The following DPYD variants were observed in gnomAD, a reference collection of about 807,000 sequenced individuals.
DPYD encodes dihydropyrimidine dehydrogenase [NADP(+)].
A neutral mutation model predicts 116.2 loss-of-function variants in DPYD; 109 were observed. That is an observed-to-expected ratio of 0.94 (90% CI 0.80 to 1.10). The LOEUF (loss-of-function observed/expected upper bound fraction) is 1.10, where lower values mean the gene tolerates loss of function less well. Among genes scored for constraint, DPYD ranks in the 50% least tolerant of loss-of-function variants. The pLI is 0.00. For missense variants in DPYD, 1,302 were observed against 1,254.5 expected (o/e 1.04, Z -0.57); for synonymous variants, 440 against 432.0 (o/e 1.02, Z -0.23).
intron 18 of DPYD, among the ~76,000 whole-genome samples, chr1:97,256,691 G>A (rs977793801): frequency 6.6e-6 from 1 of 152,028 alleles, no homozygotes; most frequent in Non-Finnish European, 1.5e-5. Flanking sequence ...TGTGAGAACA[G>A]ACTAATACAC....
intron 5 of DPYD, among the ~76,000 whole-genome samples, chr1:97,701,452 A>G (rs566904735): frequency 1.4e-4 from 21 of 151,862 alleles, no homozygotes; most frequent in Non-Finnish European, 8.9e-5. Flanking sequence ...ATAAATCCAT[A>G]TTATAGGTAA....
At chr1:97,080,021 A>C (rs1472403737) in intron 22 of DPYD, among the ~76,000 whole-genome samples, 1 of 152,088 alleles carries the variant, frequency 6.6e-6, no homozygotes, top group Non-Finnish European at 1.5e-5. Context: ...AAACATTTCA[A>C]TGATGAAAAA....
rs115090497 is a variant in DPYD at position 97,912,101 on chromosome 1, C to T, written c.39+8783G>A. On this transcript the variant is annotated intron_variant, in intron 1 of 22. Coordinates refer to ENST00000370192, the MANE Select transcript of DPYD (RefSeq NM_000110.4). ...GCAAACGGTTAAACTGGTTCCATTT[C>T]CATTTTGCTCCTTCTGTCTTTGCAC... 3.1e-3 allele frequency among the ~76,000 whole-genome samples: 468 copies of T among 152,172 alleles called. 6 individuals carry two copies. Among genetic ancestry groups the T allele is most frequent in the African/African-American group, 0.011 (438 of 41,530 alleles).
intron 13 of DPYD, among the ~76,000 whole-genome samples, chr1:97,459,491 A>G (rs932424790): frequency 6.6e-6 from 1 of 152,158 alleles, no homozygotes; most frequent in African/African-American, 2.4e-5. Flanking sequence ...GATACATTGT[A>G]GTATACAAGA....
In DPYD at chr1:97,893,429, C is replaced by CATATATATATATATATATATAT. The variant is rs59336649; in HGVS notation, c.40-10077_40-10056dup. On this transcript the variant is annotated intron_variant, in intron 1 of 22. Coordinates refer to ENST00000370192, the MANE Select transcript of DPYD (RefSeq NM_000110.4). ...CAAAAACAGATTTTAATATCCATCG[C>CATATATATATATATATATATAT]ATATATATATATATATATATATATA... is the stretch of plus-strand genomic sequence containing the variant. Among the ~76,000 whole-genome samples, 7 of 71,904 alleles carry CATATATATATATATATATATAT rather than the reference C, an allele frequency of 9.7e-5. 1 individual carries two copies. The highest frequency in any genetic ancestry group is 1.3e-4 in the Non-Finnish European group (5 of 38,832). The allele number at this position is 71,904 out of a possible 152,430, so 47.2% of individuals were successfully genotyped here.
chr1:97,764,148 A>C (rs1665724305), intron 3 of DPYD, among the ~76,000 whole-genome samples: 1 of 152,012 alleles, frequency 6.6e-6, no homozygotes, highest in Admixed American at 6.6e-5. Flanking sequence ...AAACCGATGA[A>C]GGGGTAAATA....
At chr1:97,905,918 G>A (rs1404695394) in intron 1 of DPYD, among the ~76,000 whole-genome samples, 1 of 151,946 alleles carries the variant, frequency 6.6e-6, no homozygotes, top group Non-Finnish European at 1.5e-5. Flanking sequence ...GTTCACTACT[G>A]ACTTTAATCA....
At chr1:97,131,426 T>C (rs551414035) in intron 20 of DPYD, among the ~76,000 whole-genome samples, 18 of 152,296 alleles carry the variant, frequency 1.2e-4, no homozygotes, top group African/African-American at 4.1e-4. Flanking sequence ...CTTTGCTAGA[T>C]AGCAGTCACA....
chr1:97,690,971 A>G (rs537008561), intron 7 of DPYD, among the ~76,000 whole-genome samples: 30 of 152,240 alleles, frequency 2.0e-4, no homozygotes, highest in African/African-American at 6.7e-4. Flanking sequence ...TCACTTTTCA[A>G]AGTATCTTCT....
intron 19 of DPYD, among the ~76,000 whole-genome samples, chr1:97,199,653 G>T (rs968605191): frequency 6.6e-6 from 1 of 151,824 alleles, no homozygotes. Flanking sequence ...AAAAGCTTTG[G>T]TTTTGTTGTC....
chr1:97,507,156 T>C (rs1018301853), intron 13 of DPYD, among the ~76,000 whole-genome samples: 1 of 151,994 alleles, frequency 6.6e-6, no homozygotes. Flanking sequence ...ATAAACTAAT[T>C]CTTTATAATT....
At chr1:97,136,206 AAATC>A (rs1356368675) in intron 20 of DPYD, among the ~76,000 whole-genome samples, 2 of 152,218 alleles carry the variant, frequency 1.3e-5, no homozygotes, top group Non-Finnish European at 2.9e-5. Flanking sequence ...GCATGATCCT[AAATC>A]AGAGTCTCCA....
At chr1:97,266,009 T>C (rs971962032) in intron 18 of DPYD, among the ~76,000 whole-genome samples, 2 of 152,226 alleles carry the variant, frequency 1.3e-5, no homozygotes, top group African/African-American at 2.4e-5. Flanking sequence ...AAAATTACTT[T>C]TAAAGTCACA....
At chr1:97,617,315 G>C (rs1265387465) in intron 8 of DPYD, among the ~76,000 whole-genome samples, 1 of 152,038 alleles carries the variant, frequency 6.6e-6, no homozygotes, top group East Asian at 1.9e-4. Flanking sequence ...CCTAAATAAA[G>C]GTAATTGGCT....
At chr1:97,438,629 T>TA (rs994493512) in intron 14 of DPYD, among the ~76,000 whole-genome samples, 3 of 151,924 alleles carry the variant, frequency 2.0e-5, no homozygotes, top group African/African-American at 7.2e-5. Context: ...ATAGGCAAGT[T>TA]AGGTATTTAT....
At chr1:97,863,032 T>C (rs1007538009) in intron 2 of DPYD, among the ~76,000 whole-genome samples, 1 of 151,902 alleles carries the variant, frequency 6.6e-6, no homozygotes, top group Non-Finnish European at 1.5e-5. Context: ...TAATCATTAT[T>C]TTTTTAATCT....
At chr1:97,212,349 T>C (rs34773620) in intron 19 of DPYD, among the ~76,000 whole-genome samples, 1,742 of 152,240 alleles carry the variant, frequency 0.011, 13 homozygotes, top group South Asian at 0.023. Context: ...TTTATCTTCA[T>C]TTAGCATGTT....
intron 12 of DPYD, among the ~76,000 whole-genome samples, chr1:97,516,898 C>G (rs567833552): frequency 6.6e-6 from 1 of 152,036 alleles, no homozygotes; most frequent in Non-Finnish European, 1.5e-5. Flanking sequence ...GATGAATTTT[C>G]TCAGCCAAAG....
chr1:97,882,698 C>G (rs1376818687), intron 2 of DPYD, among the ~76,000 whole-genome samples: 1 of 151,964 alleles, frequency 6.6e-6, no homozygotes, highest in Non-Finnish European at 1.5e-5. Flanking sequence ...TACAGTTAAA[C>G]AAAGTTCTAG....
Sources: allele counts gnomAD v4.1 joint callset (sites outside exome capture counted in the v4.1 genomes callset), GRCh38; gene constraint gnomAD v4.1.1; transcripts MANE v1.5; gene names NCBI Gene and HGNC (gene_info 2026-07-23, HGNC 2026-07-21).